Variants in CA8 observed in about 807,000 individuals in gnomAD.
The protein encoded by CA8 is carbonic anhydrase-related protein.
In CA8, 22 loss-of-function variants were observed where a neutral mutation model predicts 41.4. The observed-to-expected ratio is 0.53, with a 90% CI of 0.38 to 0.76. The LOEUF (loss-of-function observed/expected upper bound fraction) is 0.76. Ranked by LOEUF, CA8 falls within the 30% of genes least tolerant of loss-of-function variation. CA8 has a pLI of 0.00. For synonymous variants in CA8, 121 were observed against 130.6 expected (o/e 0.93, Z 0.50); for missense variants, 270 against 352.8 (o/e 0.77, Z 1.88).
At position 60,187,149 on chromosome 8, in the gene CA8, A is replaced by G. The variant is rs1274213662; in HGVS notation, c.*2872T>C. Among the ~76,000 whole-genome samples the G allele has an allele frequency of 6.6e-6, 1 of 152,118 alleles. No homozygotes were observed. Among genetic ancestry groups the G allele is most frequent in the Non-Finnish European group, 1.5e-5 (1 of 67,958 alleles). On this transcript the variant is annotated 3_prime_UTR_variant, in exon 9 of 9. Coordinates refer to ENST00000317995, the MANE Select transcript of CA8 (RefSeq NM_004056.6). The stretch of plus-strand genomic sequence containing the variant: ...AAAGTATGTTTTCTGATCACAACAG[A>G]AAAAAATTATAAATCAATAACAAAT...
At chr8:60,256,469 T>G (rs1438231449) in intron 3 of CA8, among the ~76,000 whole-genome samples, 11 of 152,208 alleles carry the variant, frequency 7.2e-5, no homozygotes, top group Admixed American at 7.2e-4. Flanking sequence ...CACGAATTTT[T>G]GGTGTGTAGA....
intron 8 of CA8, among the ~76,000 whole-genome samples, chr8:60,206,174 T>C (rs893806154): frequency 6.6e-6 from 1 of 152,226 alleles, no homozygotes; most frequent in Non-Finnish European, 1.5e-5. Context: ...TTATCCCCTT[T>C]AAGTAATCTC....
intron 6 of CA8, among the ~76,000 whole-genome samples, chr8:60,223,921 G>A (rs1807335527): frequency 6.6e-6 from 1 of 152,164 alleles, no homozygotes; most frequent in Non-Finnish European, 1.5e-5. Context: ...AGTACTTAAT[G>A]TATAATTGTT....
chr8:60,228,812 C>G (rs1304625844), intron 4 of CA8, among the ~76,000 whole-genome samples: 2 of 152,196 alleles, frequency 1.3e-5, no homozygotes, highest in Non-Finnish European at 2.9e-5. Context: ...ACGACTATTA[C>G]TAGCTCCTTC....
chr8:60,200,363 G>C, intron 8 of CA8, among the ~76,000 whole-genome samples: 1 of 152,166 alleles, frequency 6.6e-6, no homozygotes, highest in Non-Finnish European at 1.5e-5. Context: ...CCCCCAATAA[G>C]GGGGTCTGGG....
intron 7 of CA8, among the ~76,000 whole-genome samples, chr8:60,212,792 T>C (rs1806882742): frequency 6.6e-6 from 1 of 152,220 alleles, no homozygotes; most frequent in South Asian, 2.1e-4. Context: ...GATCTTATGT[T>C]AAGCGTTCTG....
chr8:60,258,052 G>A (rs1264471790), intron 3 of CA8, among the ~76,000 whole-genome samples: 2 of 152,150 alleles, frequency 1.3e-5, no homozygotes, highest in Admixed American at 6.5e-5. Flanking sequence ...GAAATCGCAC[G>A]CCATGCTGCT....
At chr8:60,192,975 A>ACACC (rs1554573983) in intron 8 of CA8, among the ~76,000 whole-genome samples, 9 of 137,476 alleles carry the variant, frequency 6.5e-5, no homozygotes, top group African/African-American at 2.4e-4. Context: ...ACACACACAC[A>ACACC]CCCCACCCCA....
rs73683373 is a variant in CA8 at position 60,191,728 on chromosome 8, T to C, written c.*36-1743A>G. On this transcript the variant is annotated intron_variant, in intron 8 of 8. Coordinates refer to ENST00000317995, the MANE Select transcript of CA8 (RefSeq NM_004056.6). ...TGTATCCTAAGTTTATGAAATTTCA[T>C]TATAAAGAATATATCCAGCCTTCTA... 9.4e-3 allele frequency among the ~76,000 whole-genome samples: 1,426 copies of C among 152,230 alleles called. 21 individuals are homozygous for C. The highest frequency in any genetic ancestry group is 0.033 in the African/African-American group (1,370 of 41,554).
chr8:60,278,612 TCTGA>T (rs1212016359), intron 2 of CA8, among the ~76,000 whole-genome samples: 7 of 152,320 alleles, frequency 4.6e-5, no homozygotes, highest in East Asian at 3.9e-4. Context: ...TTAAACTGAC[TCTGA>T]CTAAGTACAT....
chr8:60,215,314 A>C (rs1177422766), intron 7 of CA8, among the ~76,000 whole-genome samples: 3 of 151,874 alleles, frequency 2.0e-5, no homozygotes, highest in Non-Finnish European at 4.4e-5. Flanking sequence ...TAAAATGTCC[A>C]TAATCAATGA....
intron 7 of CA8, among the ~76,000 whole-genome samples, chr8:60,214,995 AAGG>A (rs1212014388): frequency 1.3e-5 from 2 of 152,168 alleles, no homozygotes; most frequent in Non-Finnish European, 2.9e-5. Flanking sequence ...AATGCAGAAA[AAGG>A]AGGAAGAAAA....
intron 5 of CA8, among the ~76,000 whole-genome samples, chr8:60,225,233 T>C (rs545009589): frequency 6.6e-6 from 1 of 152,306 alleles, no homozygotes; most frequent in East Asian, 1.9e-4. Context: ...GTCATTTAAA[T>C]TGCTTAGACT....
intron 7 of CA8, among the ~76,000 whole-genome samples, chr8:60,217,657 C>T (rs1807068622): frequency 6.6e-6 from 1 of 152,158 alleles, no homozygotes; most frequent in African/African-American, 2.4e-5. Context: ...ATAAACTTGG[C>T]ATCTTCTCCA....
chr8:60,268,738 G>A (rs1024430590), intron 2 of CA8, among the ~76,000 whole-genome samples: 6 of 152,120 alleles, frequency 3.9e-5, no homozygotes, highest in Non-Finnish European at 8.8e-5. Flanking sequence ...AAAATTCCCT[G>A]GCCTTGTAGA....
intron 3 of CA8, among the ~76,000 whole-genome samples, chr8:60,233,144 T>C (rs554793675): frequency 1.3e-5 from 2 of 152,342 alleles, no homozygotes; most frequent in East Asian, 1.9e-4. Context: ...CTGAGGTTCC[T>C]AGTATAATAG....
At chr8:60,232,744 CA>C (rs1382545054) in intron 3 of CA8, 2 of 298,930 alleles carry the variant, frequency 6.7e-6, no homozygotes, top group East Asian at 1.5e-4. Context: ...AGAACTCATT[CA>C]AAGGATGAAT....
chr8:60,255,589 C>T (rs1808608820), intron 3 of CA8, among the ~76,000 whole-genome samples: 1 of 152,206 alleles, frequency 6.6e-6, no homozygotes, highest in Non-Finnish European at 1.5e-5. Context: ...ATTTACTTGC[C>T]TTTGGGTTCC....
At chr8:60,280,660 C>T (rs910922816) in intron 1 of CA8, among the ~76,000 whole-genome samples, 1 of 152,250 alleles carries the variant, frequency 6.6e-6, no homozygotes, top group East Asian at 1.9e-4. Context: ...AAGCCAAAAA[C>T]GAATTCTTCA....
Sources: allele counts gnomAD v4.1 joint callset (sites outside exome capture counted in the v4.1 genomes callset), GRCh38; gene constraint gnomAD v4.1.1; transcripts MANE v1.5; gene names NCBI Gene and HGNC (gene_info 2026-07-23, HGNC 2026-07-21).